ABCC1: variants seen among roughly 807,000 people sequenced by gnomAD.
ABCC1 encodes the protein multidrug resistance-associated protein 1.
In ABCC1, 83 loss-of-function variants were observed where a neutral mutation model predicts 172.9. The ratio of observed to expected loss-of-function variants is 0.48; its 90% confidence interval spans 0.40 to 0.58. ABCC1 has a LOEUF of 0.58. Ranked by LOEUF, ABCC1 falls within the 20% of genes least tolerant of loss-of-function variation. The pLI, the probability that ABCC1 is intolerant of heterozygous loss-of-function variation, is 0.00. For missense variants in ABCC1, 1,817 were observed against 2,002.7 expected, an observed-to-expected ratio of 0.91 and a Z score of 1.77; for synonymous variants, 937 against 825.2, an observed-to-expected ratio of 1.14 and a Z score of -2.32.
chr16:16,044,445 TC>T lies in ABCC1; in HGVS notation c.810-3del, dbSNP rs777301104. 11 of 1,613,112 alleles carry T rather than the reference TC, an allele frequency of 6.8e-6. No individual in the cohort carries two copies. The highest frequency in any genetic ancestry group is 7.6e-6 in the Non-Finnish European group (9 of 1,179,358). On this transcript the variant is annotated splice_polypyrimidine_tract_variant and splice_region_variant and intron_variant, in intron 7 of 30. Coordinates refer to ENST00000399410, the MANE Select transcript of ABCC1 (RefSeq NM_004996.4). ...CCACAACGGCTTCACCTCCTTGTGT[TC>T]CAGGCAGCCGGTGAAGGTTGTGTAC...
At chr16:16,102,593 AC>A (rs2051813777) in intron 19 of ABCC1, 33 bp from the exon 20 acceptor site, 6 of 1,551,300 alleles carry the variant, frequency 3.9e-6, no homozygotes, top group Non-Finnish European at 5.2e-6. Flanking sequence ...GCCTCATATA[AC>A]CCCACTTGCC....
At chr16:15,991,303 A>G (rs1452164698) in intron 1 of ABCC1, among the ~76,000 whole-genome samples, 1 of 151,764 alleles carries the variant, frequency 6.6e-6, no homozygotes, top group African/African-American at 2.4e-5. Flanking sequence ...GCGGGGGGCT[A>G]TGGGTATGTG....
At chr16:16,100,168 C>T (rs868286490) in intron 19 of ABCC1, among the ~76,000 whole-genome samples, 2 of 152,164 alleles carry the variant, frequency 1.3e-5, no homozygotes, top group African/African-American at 4.8e-5. Flanking sequence ...GGTCCTCCTC[C>T]GTGCAGAGTG....
At chr16:16,118,464 T>C (rs1009559726) in intron 23 of ABCC1, among the ~76,000 whole-genome samples, 2 of 144,902 alleles carry the variant, frequency 1.4e-5, no homozygotes, top group Non-Finnish European at 3.0e-5. Context: ...TTACCAAATA[T>C]GTTATCTGTG....
chr16:15,972,368 A>AT (rs1415905201), intron 1 of ABCC1, among the ~76,000 whole-genome samples: 1 of 152,010 alleles, frequency 6.6e-6, no homozygotes, highest in Admixed American at 6.6e-5. Context: ...TCATTTGTTT[A>AT]TTTTTTACAT....
chr16:16,058,507 T>G (rs938045170), intron 12 of ABCC1, among the ~76,000 whole-genome samples: 2 of 152,232 alleles, frequency 1.3e-5, no homozygotes, highest in Non-Finnish European at 2.9e-5. Flanking sequence ...TCCAGCTGTT[T>G]CAGCATTTGC....
chr16:15,952,876 C>G (rs1462252161), intron 1 of ABCC1, among the ~76,000 whole-genome samples: 2 of 139,468 alleles, frequency 1.4e-5, no homozygotes, highest in African/African-American at 2.7e-5. Context: ...ACTAATAATA[C>G]CAAAAAAAAA....
intron 5 of ABCC1, among the ~76,000 whole-genome samples, chr16:16,029,775 G>T (rs1370984192): frequency 6.6e-6 from 1 of 152,178 alleles, no homozygotes; most frequent in Admixed American, 6.5e-5. Context: ...CAGCACTTTG[G>T]GAAGCTGAGG....
intron 19 of ABCC1, 92 bp from the exon 20 acceptor site, chr16:16,102,535 T>C (rs2051809455): frequency 8.7e-7 from 1 of 1,143,848 alleles, no homozygotes; most frequent in African/African-American, 1.5e-5. Flanking sequence ...TGCTCTGTGG[T>C]CTCCTCACTG....
In ABCC1 at chr16:16,090,452, C is replaced by A; in HGVS notation, c.2508C>A (p.Asp836Glu). The change falls in exon 19 of 31, where the codon GAC becomes GAA. Residue 836 changes from aspartate (D) to glutamate (E), a missense_variant. Physicochemically the swap from Asp to Glu is conservative, Grantham distance 45 (BLOSUM62 2). Coordinates refer to ENST00000399410, the MANE Select transcript of ABCC1 (RefSeq NM_004996.4). ...THSMSYLPQV[D>E]VIIVMSGGKI... Reference sequence around the variant, plus strand: ...GCATGAGCTACTTGCCGCAGGTGGACGTCATCATCGTCATGAGTGGCGGCA... The same window carrying A: ...GCATGAGCTACTTGCCGCAGGTGGAAGTCATCATCGTCATGAGTGGCGGCA... The A allele has an allele frequency of 6.2e-7, 1 of 1,613,418 alleles. No individual in the cohort carries two copies. Among genetic ancestry groups the A allele is most frequent in the Non-Finnish European group, 8.5e-7 (1 of 1,179,696 alleles).
intron 1 of ABCC1, among the ~76,000 whole-genome samples, chr16:16,006,900 G>T (rs2047557047): frequency 7.0e-6 from 1 of 142,730 alleles, no homozygotes; most frequent in Non-Finnish European, 1.5e-5. Context: ...GGTGATGGTG[G>T]CGATGGTGAT....
intron 12 of ABCC1, among the ~76,000 whole-genome samples, chr16:16,057,356 C>G (rs1395624348): frequency 6.9e-6 from 1 of 145,838 alleles, no homozygotes; most frequent in Non-Finnish European, 1.5e-5. Flanking sequence ...AAGACCCTGT[C>G]TCAAAAAAGT....
chr16:16,014,810 C>A (rs1234108896), intron 4 of ABCC1, among the ~76,000 whole-genome samples, 182 bp downstream of exon 4: 2 of 152,174 alleles, frequency 1.3e-5, no homozygotes, highest in Non-Finnish European at 2.9e-5. Context: ...TCAGCCCCAG[C>A]CTTTTTTCTA....
At chr16:16,036,386 C>A in intron 6 of ABCC1, 86 bp from the exon 7 acceptor site, 1 of 1,280,056 alleles carries the variant, frequency 7.8e-7, no homozygotes, top group Non-Finnish European at 1.1e-6. Flanking sequence ...GCAGCATCAG[C>A]AGGCGTGTGG....
chr16:16,048,015 AG>A (rs1281254761), intron 9 of ABCC1, 126 bp from the exon 10 acceptor site: 1 of 1,208,002 alleles, frequency 8.3e-7, no homozygotes, highest in African/African-American at 1.5e-5. Context: ...ATAGGTCGGG[AG>A]GGGAGGAGGA....
At chr16:16,088,792 C>T (rs909481403) in intron 18 of ABCC1, among the ~76,000 whole-genome samples, 1 of 152,092 alleles carries the variant, frequency 6.6e-6, no homozygotes, top group Non-Finnish European at 1.5e-5. Flanking sequence ...TGGTAGCCTC[C>T]AGCTCCTCGG....
rs58780469 is a variant in ABCC1, at chr16:16,089,118, G to T, written c.2461-1287G>T. Among the ~76,000 whole-genome samples the T allele has an allele frequency of 1.8e-3, 274 of 152,298 alleles. 5 individuals carry two copies. In the East Asian group the frequency reaches 0.041, roughly 23 times the overall value. ...AAAGATTGACCGTTAGCTGTTTAAGGAAACATATGCTGACTTCTATTAATA... is the reference window on the plus strand; with the variant it reads ...AAAGATTGACCGTTAGCTGTTTAAGTAAACATATGCTGACTTCTATTAATA... On this transcript the variant is annotated intron_variant, in intron 18 of 30. Transcript: ENST00000399410.
Position 16,071,726 on chromosome 16 carries a change from G to C in ABCC1, c.1909G>C (p.Asp637His). Residue 637 changes from aspartate to histidine, a missense_variant, in exon 14 of 31, where the codon GAC (aspartate) becomes CAC (histidine). Asp to His is a moderately conservative substitution (Grantham distance 81). Coordinates refer to ENST00000399410, the MANE Select transcript of ABCC1 (RefSeq NM_004996.4). ...PDSIERRPVK[D>H]GGGTNSITVR... Reference sequence around the variant, plus strand: ...CAGCATCGAGCGACGGCCTGTCAAAGACGGTGTGTGTGTGTTCAGTCCTGG... The same window carrying C: ...CAGCATCGAGCGACGGCCTGTCAAACACGGTGTGTGTGTGTTCAGTCCTGG... 6.2e-7 allele frequency: 1 copy of C among 1,613,194 alleles called. No homozygotes were observed.
intron 13 of ABCC1, among the ~76,000 whole-genome samples, chr16:16,069,981 C>A (rs1242432594): frequency 1.3e-5 from 2 of 152,082 alleles, no homozygotes; most frequent in Admixed American, 1.3e-4. Context: ...TGCAGTGAGC[C>A]GAGATTGTGC....
Sources: allele counts gnomAD v4.1 joint callset (sites outside exome capture counted in the v4.1 genomes callset), GRCh38; gene constraint gnomAD v4.1.1; transcripts MANE v1.5; gene names NCBI Gene and HGNC (gene_info 2026-07-23, HGNC 2026-07-21).